Variants in CNTN4 observed in about 807,000 individuals in gnomAD.
The protein encoded by CNTN4 is contactin-4.
Under a neutral mutation model 122.5 loss-of-function variants are expected in CNTN4, and 77 were observed. That is an observed-to-expected ratio of 0.63 (90% CI 0.52 to 0.76). The LOEUF is 0.76. CNTN4 is among the 30% of genes least tolerant of loss of function. CNTN4 has a pLI of 0.00. For synonymous variants in CNTN4, 512 were observed against 447.0 expected, an observed-to-expected ratio of 1.15 and a Z score of -1.83; for missense variants, 1,256 against 1,259.1, an observed-to-expected ratio of 1.00 and a Z score of 0.04.
chr3:2,371,104 A>G (rs967175678), intron 3 of CNTN4, among the ~76,000 whole-genome samples: 11 of 152,178 alleles, frequency 7.2e-5, no homozygotes, highest in Non-Finnish European at 1.0e-4. Flanking sequence ...TGCTGATCAT[A>G]TATCCCAGAT....
At chr3:2,518,236 C>T (rs1005498241) in intron 3 of CNTN4, among the ~76,000 whole-genome samples, 9 of 144,716 alleles carry the variant, frequency 6.2e-5, no homozygotes, top group African/African-American at 1.3e-4. Flanking sequence ...TGTGTGTGTG[C>T]ACACACGCAC....
At chr3:2,966,558 A>G (rs75476745) in intron 13 of CNTN4, among the ~76,000 whole-genome samples, 2,706 of 152,290 alleles carry the variant, frequency 0.018, 76 homozygotes, top group African/African-American at 0.061. Flanking sequence ...CTATCATTCA[A>G]TAACACAATG....
rs764857543 is a variant in CNTN4, at chr3:2,359,008, T to A, written c.-89+19775T>A. 2.0e-5 allele frequency among the ~76,000 whole-genome samples: 3 copies of A among 152,204 alleles called. No homozygotes were observed. The South Asian group carries it at 6.2e-4, about 32-fold the overall frequency. ...TGGTTAGGTGCTACTGGTAGATTTA[T>A]AAATATGTCATAGTTATATCAAATA... is the stretch of plus-strand genomic sequence containing the variant. On this transcript the variant is annotated intron_variant, in intron 3 of 24. Transcript: ENST00000418658.
chr3:2,478,404 G>C (rs2075889461), intron 3 of CNTN4, among the ~76,000 whole-genome samples: 1 of 16,102 alleles, frequency 6.2e-5, no homozygotes, highest in African/African-American at 1.3e-4. Context: ...TTCTTTATCT[G>C]TTTGTTTTTT....
chr3:2,624,763 C>G (rs936387370), intron 4 of CNTN4, among the ~76,000 whole-genome samples: 7 of 151,260 alleles, frequency 4.6e-5, no homozygotes, highest in African/African-American at 1.7e-4. Context: ...TCCCCAATAG[C>G]TGGGACTATA....
chr3:2,917,592 T>G (rs1167118540), intron 12 of CNTN4, among the ~76,000 whole-genome samples: 2 of 152,142 alleles, frequency 1.3e-5, no homozygotes, highest in African/African-American at 4.8e-5. Flanking sequence ...CATAGATCTC[T>G]TCTCTGTCTT....
rs945319960 is a variant in CNTN4 at position 2,883,198 on chromosome 3, C to T, written c.706C>T (p.Pro236Ser). 1.9e-6 allele frequency: 3 copies of T among 1,613,800 alleles called. No individual in the cohort carries two copies. The highest frequency in any genetic ancestry group is 1.3e-5 in the African/African-American group (1 of 75,022). ...KIEVQFPETV[P>S]TAKGATVKLE... ...AGAAGTGCAGTTCCCAGAAACAGTTCCGACTGCAAAAGGAGCAACGGTGAA... is the reference window on the plus strand; with the variant it reads ...AGAAGTGCAGTTCCCAGAAACAGTTTCGACTGCAAAAGGAGCAACGGTGAA... Residue 236 changes from proline to serine, a missense_variant, in exon 9 of 25, where the codon CCG (proline) becomes TCG (serine). By Grantham distance (74) the Pro-to-Ser change is moderately conservative (BLOSUM62 -1). Transcript: ENST00000418658.
rs180983139 is a variant in CNTN4, at chr3:3,056,544, G to C, written c.*324G>C. ...GAATTTTTTAAAGTTAACATATAAT[G>C]TAGATATTAATTTTTTCCTCGGCTG... is the stretch of plus-strand genomic sequence containing the variant. On this transcript the variant is annotated 3_prime_UTR_variant, in exon 25 of 25. Coordinates refer to ENST00000418658, the MANE Select transcript of CNTN4 (RefSeq NM_175607.3). 1 of 164,482 alleles carries C rather than the reference G, an allele frequency of 6.1e-6. No individual in the cohort carries two copies. Among genetic ancestry groups the C allele is most frequent in the East Asian group, 1.7e-4 (1 of 5,890 alleles). 10.2% of individuals were successfully genotyped at this position (164,482 alleles called of 1,614,324 possible). A position where few individuals can be genotyped will look rare whatever the true frequency, so the allele number is the denominator to read the frequency against.
intron 3 of CNTN4, among the ~76,000 whole-genome samples, chr3:2,518,681 T>G (rs915696607): frequency 2.0e-5 from 3 of 152,128 alleles, no homozygotes; most frequent in Non-Finnish European, 4.4e-5. Context: ...GTTTTACAGA[T>G]AGAATTGTTT....
In CNTN4 at chr3:2,687,404, CA is replaced by C. The variant is rs758823721; in HGVS notation, c.56-48809del. ...GGCCAAGCACTGTGGCTCGTGCCTG[CA>C]ATCTCAGCACTCTGGGAGACCGAGA... On this transcript the variant is annotated intron_variant, in intron 4 of 24. Coordinates refer to ENST00000418658, the MANE Select transcript of CNTN4 (RefSeq NM_175607.3). 1.5e-4 allele frequency among the ~76,000 whole-genome samples: 20 copies of C among 132,348 alleles called. No individual in the cohort carries two copies. The South Asian group carries it at 1.9e-3, about 13-fold the overall frequency. 86.8% of individuals were successfully genotyped at this position (132,348 alleles called of 152,430 possible).
At chr3:3,039,032 T>C (rs748853354) in intron 19 of CNTN4, 29 bp downstream of exon 19, 1 of 1,551,220 alleles carries the variant, frequency 6.4e-7, no homozygotes, top group South Asian at 1.1e-5. Context: ...AAAAGGAACG[T>C]ACACGCATCG....
intron 4 of CNTN4, among the ~76,000 whole-genome samples, chr3:2,680,430 C>G (rs547584874): frequency 3.7e-4 from 57 of 152,266 alleles, no homozygotes; most frequent in African/African-American, 1.3e-3. Flanking sequence ...AGTCCTGGCT[C>G]GGATACAGTG....
intron 2 of CNTN4, among the ~76,000 whole-genome samples, chr3:2,201,148 A>C (rs1321012625): frequency 1.3e-5 from 2 of 152,140 alleles, no homozygotes; most frequent in African/African-American, 4.8e-5. Context: ...GCTACACTCT[A>C]CACTAAGCTC....
intron 2 of CNTN4, among the ~76,000 whole-genome samples, chr3:2,238,107 T>C (rs1372897993): frequency 6.6e-6 from 1 of 152,114 alleles, no homozygotes; most frequent in East Asian, 1.9e-4. Context: ...ATTGTAAAAT[T>C]CACTTTTTAA....
At position 2,401,984 on chromosome 3, in the gene CNTN4, A is replaced by T. The variant is rs2046875311; in HGVS notation, c.-89+62751A>T. Among the ~76,000 whole-genome samples, 2 of 152,168 alleles carry T rather than the reference A, an allele frequency of 1.3e-5. 1 individual carries two copies. The highest frequency in any genetic ancestry group is 4.1e-4 in the South Asian group (2 of 4,830). On this transcript the variant is annotated intron_variant, in intron 3 of 24. Coordinates refer to ENST00000418658, the MANE Select transcript of CNTN4 (RefSeq NM_175607.3). ...TGTATTAGAGCTGCCCTTGGGGCTA[A>T]GAACATCTGCTGGACTGTAGTCTAA... is the stretch of plus-strand genomic sequence containing the variant.
intron 2 of CNTN4, among the ~76,000 whole-genome samples, chr3:2,239,774 G>T (rs965536162): frequency 1.3e-5 from 2 of 152,112 alleles, no homozygotes; most frequent in Non-Finnish European, 2.9e-5. Flanking sequence ...ACAATAAAAG[G>T]GTACAATTAA....
rs192938971 is a variant in CNTN4 at position 2,334,660 on chromosome 3, G to A, written c.-144-4518G>A. Among the ~76,000 whole-genome samples the A allele has an allele frequency of 2.8e-3, 424 of 152,182 alleles. 4 individuals carry two copies. The highest frequency in any genetic ancestry group is 0.014 in the Middle Eastern group (4 of 294). On this transcript the variant is annotated intron_variant, in intron 2 of 24. Coordinates refer to ENST00000418658, the MANE Select transcript of CNTN4 (RefSeq NM_175607.3). Reference sequence around the variant, plus strand: ...GGCATAATGTACAGAGTGACTAAGCGCAATTATAGGAGACTTGTAATCAAT... The same window carrying A: ...GGCATAATGTACAGAGTGACTAAGCACAATTATAGGAGACTTGTAATCAAT...
intron 4 of CNTN4, among the ~76,000 whole-genome samples, chr3:2,644,336 T>C (rs920520217): frequency 8.5e-5 from 13 of 152,154 alleles, no homozygotes; most frequent in African/African-American, 3.1e-4. Context: ...AAGAAACATT[T>C]CTTTTGGATA....
intron 3 of CNTN4, among the ~76,000 whole-genome samples, chr3:2,557,987 T>G (rs2078790888): frequency 6.6e-6 from 1 of 152,156 alleles, no homozygotes; most frequent in Non-Finnish European, 1.5e-5. Flanking sequence ...AAACTATAAA[T>G]ATAAAATCTG....
Sources: allele counts gnomAD v4.1 joint callset (sites outside exome capture counted in the v4.1 genomes callset), GRCh38; gene constraint gnomAD v4.1.1; transcripts MANE v1.5; gene names NCBI Gene and HGNC (gene_info 2026-07-23, HGNC 2026-07-21).